The following STRBP variants were observed in gnomAD, a reference collection of about 807,000 sequenced individuals.
The protein encoded by STRBP is spermatid perinuclear RNA binding protein, also known as spermatid perinuclear RNA-binding protein.
Under a neutral mutation model 80.1 loss-of-function variants are expected in STRBP, and 13 were observed. The ratio of observed to expected loss-of-function variants is 0.16; its 90% CI spans 0.11 to 0.26. The LOEUF (loss-of-function observed/expected upper bound fraction) is 0.26, where lower values mean the gene tolerates loss of function less well. Ranked by LOEUF, STRBP falls within the 10% of genes least tolerant of loss-of-function variation. The pLI, the probability that STRBP is intolerant of heterozygous loss-of-function variation, is 1.00. For synonymous variants in STRBP, 284 were observed against 291.2 expected (o/e 0.98, Z 0.25); for missense variants, 485 against 815.2 (o/e 0.59, Z 4.93).
chr9:123,212,694 A>G (rs1287569503), intron 2 of STRBP: 1 of 152,246 alleles, frequency 6.6e-6, no homozygotes, highest in Non-Finnish European at 1.5e-5. Flanking sequence ...GACAATCTAG[A>G]AATAGAGACA....
At chr9:123,156,220 T>C (rs997441315) in intron 11 of STRBP, among the ~76,000 whole-genome samples, 107 of 152,060 alleles carry the variant, frequency 7.0e-4, no homozygotes, top group African/African-American at 2.5e-3. Flanking sequence ...TAAATATATA[T>C]ATAACATTTT....
intron 1 of STRBP, among the ~76,000 whole-genome samples, chr9:123,240,143 C>T (rs2040661556): frequency 6.6e-6 from 1 of 152,206 alleles, no homozygotes; most frequent in Non-Finnish European, 1.5e-5. Flanking sequence ...ACTACCATAG[C>T]TTATTCTTTT....
At chr9:123,245,101 A>T (rs2040772586) in intron 1 of STRBP, among the ~76,000 whole-genome samples, 1 of 152,256 alleles carries the variant, frequency 6.6e-6, no homozygotes, top group South Asian at 2.1e-4. Context: ...TTGAAATGAT[A>T]AAATTACAGA....
rs1159045621 is a variant in STRBP, at chr9:123,126,610, A to G, written c.1943-937T>C. On this transcript the variant is annotated intron_variant, in intron 18 of 18. Transcript: ENST00000348403. The surrounding 1 kb of genome is among the most constrained non-coding windows in gnomAD (Gnocchi z 4.4). ...AGAGAAAAAAAGACCAAGGAAAAAC[A>G]TGAATGTAACTTAGAATCTAGATAT... Among the ~76,000 whole-genome samples the G allele has an allele frequency of 6.6e-6, 1 of 152,224 alleles. No individual in the cohort carries two copies. The highest frequency in any genetic ancestry group is 2.4e-5 in the African/African-American group (1 of 41,460).
At chr9:123,263,297 G>A (rs72616647) in intron 1 of STRBP, among the ~76,000 whole-genome samples, 10,403 of 152,070 alleles carry the variant, frequency 0.068, 1,265 homozygotes, top group East Asian at 0.53. Context: ...CAGGAGGATC[G>A]CTTGAGCCCA....
chr9:123,200,057 A>T (rs2039257549), intron 2 of STRBP, among the ~76,000 whole-genome samples: 1 of 152,172 alleles, frequency 6.6e-6, no homozygotes, highest in African/African-American at 2.4e-5. Context: ...GCCTACTCTC[A>T]ACAGTTTGTT....
At chr9:123,186,820 T>TG (rs200153596) in intron 2 of STRBP, among the ~76,000 whole-genome samples, 1 of 61,696 alleles carries the variant, frequency 1.6e-5, no homozygotes, top group Non-Finnish European at 5.9e-5. Context: ...GAGTTTTTCT[T>TG]TTTTTAAAAA....
intron 3 of STRBP, among the ~76,000 whole-genome samples, chr9:123,183,887 G>A (rs938383363): frequency 3.9e-5 from 6 of 152,134 alleles, no homozygotes; most frequent in African/African-American, 1.4e-4. Context: ...TTATTTATGA[G>A]CATTTCCTCC....
intron 13 of STRBP, among the ~76,000 whole-genome samples, chr9:123,145,318 C>G (rs2132346797): frequency 6.6e-6 from 1 of 152,242 alleles, no homozygotes; most frequent in South Asian, 2.1e-4. Context: ...TCCAGGCCAA[C>G]CAAGTTCCAT....
At chr9:123,155,082 A>T (rs1209635546) in intron 11 of STRBP, among the ~76,000 whole-genome samples, 16 of 152,224 alleles carry the variant, frequency 1.1e-4, no homozygotes, top group Admixed American at 1.0e-3. Context: ...GTCGGTCTTA[A>T]GAGGCGAGGC....
At chr9:123,165,663 A>C (rs2037724267) in intron 6 of STRBP, among the ~76,000 whole-genome samples, 1 of 152,224 alleles carries the variant, frequency 6.6e-6, no homozygotes, top group African/African-American at 2.4e-5. Context: ...AATCACAAGC[A>C]CCAAAAGAAA....
Position 123,123,784 on chromosome 9 carries a change from A to G in STRBP, c.*1813T>C. ...TTCCAAAGACAATGAGGACTACTGT[A>G]AAGATTTAATTAATAAAAACTGGAC... On this transcript the variant is annotated 3_prime_UTR_variant, in exon 19 of 19. Coordinates refer to ENST00000348403, the MANE Select transcript of STRBP (RefSeq NM_018387.5). 2 of 985,450 alleles carry G rather than the reference A, an allele frequency of 2.0e-6. No homozygotes were observed. The highest frequency in any genetic ancestry group is 2.4e-6 in the Non-Finnish European group (2 of 829,924). The allele number at this position is 985,450 out of a possible 1,614,324, so 61.0% of individuals were successfully genotyped here. A position where few individuals can be genotyped will look rare whatever the true frequency, so the allele number is the denominator to read the frequency against.
At chr9:123,148,734 A>C (rs2036928135) in intron 11 of STRBP, among the ~76,000 whole-genome samples, 2 of 152,208 alleles carry the variant, frequency 1.3e-5, no homozygotes, top group Non-Finnish European at 2.9e-5. Flanking sequence ...ATGTTCTCTC[A>C]TATCAGAGAT....
At chr9:123,149,609 G>A (rs2036970031) in intron 11 of STRBP, among the ~76,000 whole-genome samples, 1 of 152,070 alleles carries the variant, frequency 6.6e-6, no homozygotes, top group Admixed American at 6.5e-5. Flanking sequence ...GGAGAAAAAG[G>A]GTCTTGCTTT....
chr9:123,188,365 G>C (rs552644286), intron 2 of STRBP, among the ~76,000 whole-genome samples: 16 of 152,150 alleles, frequency 1.1e-4, no homozygotes, highest in Admixed American at 2.0e-4. Context: ...ACTAGGCCAG[G>C]TGCGGTGGCT....
intron 5 of STRBP, among the ~76,000 whole-genome samples, chr9:123,171,964 C>CTGTT (rs1344850427): frequency 6.6e-5 from 10 of 152,172 alleles, no homozygotes; most frequent in African/African-American, 2.4e-4. Flanking sequence ...AATAAAGACC[C>CTGTT]TCACTCAAGA....
At chr9:123,208,078 G>C (rs1339388792) in intron 2 of STRBP, among the ~76,000 whole-genome samples, 1 of 150,788 alleles carries the variant, frequency 6.6e-6, no homozygotes. Context: ...ATATTGAGTA[G>C]AAGGTACAAG....
chr9:123,157,917 A>G, intron 11 of STRBP, 95 bp downstream of exon 11: 1 of 944,660 alleles, frequency 1.1e-6, no homozygotes, highest in Non-Finnish European at 1.7e-6. Flanking sequence ...TGGATGCACA[A>G]TTATTAAGTT....
At position 123,232,734 on chromosome 9, in the gene STRBP, C is replaced by T. The variant is rs965301258; in HGVS notation, c.-165+4096G>A. Among the ~76,000 whole-genome samples the T allele has an allele frequency of 7.2e-5, 11 of 152,272 alleles. No homozygotes were observed. In the South Asian group the frequency reaches 8.3e-4, roughly 11 times the overall value. On this transcript the variant is annotated intron_variant, in intron 2 of 18. Transcript: ENST00000348403. ...AAAGTACATCTTCGAAGAAAAAGAA[C>T]GAAATGGGCAGAGTTAGGAAAAAAC...
Sources: allele counts gnomAD v4.1 joint callset (sites outside exome capture counted in the v4.1 genomes callset), GRCh38; gene constraint gnomAD v4.1.1; non-coding constraint Gnocchi (gnomAD v3.1); transcripts MANE v1.5; gene names NCBI Gene and HGNC (gene_info 2026-07-23, HGNC 2026-07-21).